PTPRM: variants seen among roughly 807,000 people sequenced by gnomAD.
PTPRM encodes the protein protein tyrosine phosphatase receptor type M.
PTPRM carries 47 observed loss-of-function variants against 186.7 expected under a neutral mutation model. The ratio of observed to expected loss-of-function variants is 0.25; its 90% CI spans 0.20 to 0.32. The LOEUF is 0.32. PTPRM is among the 10% of genes least tolerant of loss of function. The pLI, the probability that PTPRM is intolerant of heterozygous loss-of-function variation, is 1.00. For synonymous variants in PTPRM, 668 were observed against 674.9 expected, an observed-to-expected ratio of 0.99 and a Z score of 0.16; for missense variants, 1,494 against 1,865.0, an observed-to-expected ratio of 0.80 and a Z score of 3.66.
chr18:7,737,734 C>G (rs978329225), intron 1 of PTPRM, among the ~76,000 whole-genome samples: 3 of 152,182 alleles, frequency 2.0e-5, no homozygotes, highest in Non-Finnish European at 4.4e-5. Context: ...TCTTCTGTAC[C>G]TTTGGACCAA....
intron 14 of PTPRM, among the ~76,000 whole-genome samples, chr18:8,208,701 A>G (rs2093962351): frequency 6.6e-6 from 1 of 152,184 alleles, no homozygotes; most frequent in Admixed American, 6.5e-5. Context: ...TTGTAGAGAC[A>G]GAATCTCACT....
intron 20 of PTPRM, among the ~76,000 whole-genome samples, chr18:8,307,646 A>T (rs902323393): frequency 6.6e-6 from 1 of 152,044 alleles, no homozygotes; most frequent in African/African-American, 2.4e-5. Context: ...TCTACTGAAA[A>T]TACAGAAATT....
chr18:8,107,727 T>C (rs1009635429), intron 11 of PTPRM, among the ~76,000 whole-genome samples: 6 of 152,236 alleles, frequency 3.9e-5, no homozygotes, highest in Admixed American at 3.9e-4. Context: ...GTTGCTAATA[T>C]AGAATATTCA....
chr18:8,299,923 AC>A (rs892668993), intron 20 of PTPRM, among the ~76,000 whole-genome samples: 1 of 151,954 alleles, frequency 6.6e-6, no homozygotes, highest in African/African-American at 2.4e-5. Context: ...ACTTTTTCTT[AC>A]CCCCCAGGGC....
intron 2 of PTPRM, among the ~76,000 whole-genome samples, chr18:7,799,841 A>T (rs945042426): frequency 6.6e-6 from 1 of 152,154 alleles, no homozygotes; most frequent in Non-Finnish European, 1.5e-5. Context: ...TTTTATATGC[A>T]TATATAACAT....
At chr18:7,892,954 C>A (rs2049156964) in intron 3 of PTPRM, among the ~76,000 whole-genome samples, 1 of 152,168 alleles carries the variant, frequency 6.6e-6, no homozygotes, top group Non-Finnish European at 1.5e-5. Context: ...CTAATACCAC[C>A]ATTTTTGGGA....
chr18:8,362,002 G>C (rs1165417431), intron 23 of PTPRM, among the ~76,000 whole-genome samples: 1 of 152,158 alleles, frequency 6.6e-6, no homozygotes, highest in Non-Finnish European at 1.5e-5. Context: ...TTGGCAACTT[G>C]GGAGACACAG....
chr18:7,831,974 T>C lies in PTPRM; in HGVS notation c.197-56132T>C, dbSNP rs563135073. On this transcript the variant is annotated intron_variant, in intron 2 of 32. Coordinates refer to ENST00000580170, the MANE Select transcript of PTPRM (RefSeq NM_001105244.2). Reference sequence around the variant, plus strand: ...GACAGGATCTCATTCTTTTTATGGCTGAATAGTACTCCATTGTGTATAAGT... The same window carrying C: ...GACAGGATCTCATTCTTTTTATGGCCGAATAGTACTCCATTGTGTATAAGT... 3.9e-5 allele frequency among the ~76,000 whole-genome samples: 6 copies of C among 152,356 alleles called. No individual in the cohort carries two copies. In the South Asian group the frequency reaches 1.2e-3, roughly 32 times the overall value.
intron 14 of PTPRM, among the ~76,000 whole-genome samples, chr18:8,220,725 G>T (rs1036144743): frequency 3.3e-5 from 5 of 152,144 alleles, no homozygotes; most frequent in Non-Finnish European, 7.4e-5. Flanking sequence ...TGTAATTGCT[G>T]GTTTGCTTTG....
intron 7 of PTPRM, among the ~76,000 whole-genome samples, chr18:7,979,539 C>G (rs759002579): frequency 1.3e-5 from 2 of 152,150 alleles, no homozygotes; most frequent in Non-Finnish European, 2.9e-5. Flanking sequence ...ATGAAAAATA[C>G]TCGTTGAAAT....
intron 5 of PTPRM, among the ~76,000 whole-genome samples, chr18:7,938,973 G>A (rs2051998876): frequency 6.6e-6 from 1 of 152,108 alleles, no homozygotes; most frequent in Non-Finnish European, 1.5e-5. Flanking sequence ...ACTTGGTTGT[G>A]GTCTAGAAAT....
At chr18:7,906,639 T>C (rs993334386) in intron 4 of PTPRM, 56 bp downstream of exon 4, 1 of 1,350,360 alleles carries the variant, frequency 7.4e-7, no homozygotes, top group Non-Finnish European at 1.1e-6. Context: ...ATGTTTACAT[T>C]ATGAATGAAG....
At chr18:7,771,356 A>G (rs540084157) in intron 1 of PTPRM, among the ~76,000 whole-genome samples, 6 of 152,224 alleles carry the variant, frequency 3.9e-5, no homozygotes, top group Non-Finnish European at 8.8e-5. Context: ...GCTGTTTTCT[A>G]CATCAAAATT....
At chr18:7,898,101 G>A (rs1166943872) in intron 3 of PTPRM, among the ~76,000 whole-genome samples, 1 of 152,148 alleles carries the variant, frequency 6.6e-6, no homozygotes, top group Admixed American at 6.5e-5. Flanking sequence ...AATGTGACAT[G>A]TTTTGTGGTT....
rs557509708 is a variant in PTPRM, at chr18:8,102,337, A to C, written c.1857-11149A>C. Among the ~76,000 whole-genome samples the C allele has an allele frequency of 2.6e-5, 4 of 152,352 alleles. No homozygotes were observed. The South Asian group carries it at 8.3e-4, about 32-fold the overall frequency. On this transcript the variant is annotated intron_variant, in intron 11 of 32. Transcript: ENST00000580170. Reference sequence around the variant, plus strand: ...TTTTCGCAAAAGATTTCTCTATAGCATGGGATGCTGTTGGATAGCATTTTA... The same window carrying C: ...TTTTCGCAAAAGATTTCTCTATAGCCTGGGATGCTGTTGGATAGCATTTTA...
chr18:8,169,171 C>A (rs955846895), intron 14 of PTPRM, among the ~76,000 whole-genome samples: 3 of 152,088 alleles, frequency 2.0e-5, no homozygotes, highest in African/African-American at 7.2e-5. Flanking sequence ...AGAAACACCA[C>A]ACCTAGCAAG....
At chr18:7,774,647 G>A (rs1385028138) in intron 2 of PTPRM, among the ~76,000 whole-genome samples, 1 of 152,156 alleles carries the variant, frequency 6.6e-6, no homozygotes, top group Non-Finnish European at 1.5e-5. Flanking sequence ...GCCTTGGTGG[G>A]GGACTTTTCT....
At chr18:7,582,077 C>G (rs570148576) in intron 1 of PTPRM, among the ~76,000 whole-genome samples, 158 of 152,278 alleles carry the variant, frequency 1.0e-3, no homozygotes, top group Middle Eastern at 3.4e-3. Context: ...TTTAAAAAGG[C>G]TATCCAAATT....
At chr18:8,237,512 G>A (rs1484351001) in intron 14 of PTPRM, among the ~76,000 whole-genome samples, 2 of 132,592 alleles carry the variant, frequency 1.5e-5, no homozygotes, top group Admixed American at 8.8e-5. Flanking sequence ...GCAATGGCAC[G>A]ATCTCAGCTC....
Sources: gnomAD v4.1 joint callset for allele counts (sites outside exome capture counted in the v4.1 genomes callset) on GRCh38, gnomAD v4.1.1 for gene constraint, MANE v1.5 for transcripts, NCBI Gene and HGNC (gene_info 2026-07-23, HGNC 2026-07-21) for gene names.